The following POLE4 variants were observed in gnomAD, a reference collection of about 807,000 sequenced individuals.
POLE4 encodes the protein DNA polymerase epsilon 4, accessory subunit.
Under a neutral mutation model 15.6 loss-of-function variants are expected in POLE4, and 15 were observed. The ratio of observed to expected loss-of-function variants is 0.96; its 90% CI spans 0.64 to 1.48. The LOEUF (loss-of-function observed/expected upper bound fraction) is 1.48, where lower values mean the gene tolerates loss of function less well. Among genes scored for constraint, POLE4 ranks in the 40% most tolerant of loss-of-function variants. The pLI is 0.00. For synonymous variants in POLE4, 83 were observed against 63.2 expected (o/e 1.31, Z -1.49); for missense variants, 205 against 151.9 (o/e 1.35, Z -1.84).
chr2:74,964,097 C>T (rs904097961), intron 3 of POLE4, among the ~76,000 whole-genome samples: 7 of 152,074 alleles, frequency 4.6e-5, no homozygotes, highest in East Asian at 1.9e-4. Context: ...TTTAGATATC[C>T]GCTTGTCCAT....
chr2:74,962,858 A>T (rs1338281668), intron 3 of POLE4, among the ~76,000 whole-genome samples: 2 of 152,284 alleles, frequency 1.3e-5, no homozygotes, highest in East Asian at 3.9e-4. Context: ...CTGAACACTA[A>T]GGTTTAGTTT....
At chr2:74,961,019 A>G (rs1355355439) in intron 3 of POLE4, 2 of 159,366 alleles carry the variant, frequency 1.3e-5, no homozygotes, top group Non-Finnish European at 2.8e-5. Context: ...AGGCTATACC[A>G]TCTAGCTTTG....
intron 3 of POLE4, chr2:74,960,748 G>A (rs551987597): frequency 2.5e-4 from 94 of 370,342 alleles, no homozygotes; most frequent in Non-Finnish European, 4.5e-4. Context: ...GTCATGTGCT[G>A]CGTAATAACT....
chr2:74,963,318 G>C (rs1671250867), intron 3 of POLE4, among the ~76,000 whole-genome samples: 1 of 152,048 alleles, frequency 6.6e-6, no homozygotes, highest in Admixed American at 6.6e-5. Flanking sequence ...TTGACAAGCT[G>C]TTATTGAATG....
At chr2:74,959,488 C>A in intron 2 of POLE4, 63 bp downstream of exon 2, 3 of 1,079,028 alleles carry the variant, frequency 2.8e-6, no homozygotes, top group Non-Finnish European at 4.2e-6. Context: ...TCCCCTTGTG[C>A]AGGTTGAGAA....
intron 3 of POLE4, among the ~76,000 whole-genome samples, chr2:74,963,591 C>A (rs909847079): frequency 1.3e-5 from 2 of 152,102 alleles, no homozygotes; most frequent in South Asian, 2.1e-4. Context: ...GCAGCCCCCC[C>A]TCCCACGTTC....
intron 3 of POLE4, chr2:74,961,471 T>G (rs971867264): frequency 1.1e-4 from 17 of 152,236 alleles, no homozygotes; most frequent in Admixed American, 1.1e-3. Flanking sequence ...TGACAGACTT[T>G]CTGTAAGTTC....
At chr2:74,960,913 C>G (rs907845552) in intron 3 of POLE4, 1 of 238,342 alleles carries the variant, frequency 4.2e-6, no homozygotes, top group Non-Finnish European at 8.6e-6. Flanking sequence ...CACTTATCCT[C>G]ATGTTACAGT....
chr2:74,964,527 T>TGA (rs1671269958), intron 3 of POLE4, among the ~76,000 whole-genome samples: 1 of 152,150 alleles, frequency 6.6e-6, no homozygotes, highest in African/African-American at 2.4e-5. Context: ...TTGATGTATT[T>TGA]TGTTAAATGT....
intron 3 of POLE4, chr2:74,960,638 A>G (rs1406766182): frequency 2.1e-6 from 1 of 468,434 alleles, no homozygotes; most frequent in African/African-American, 2.0e-5. Flanking sequence ...ATTAAAAAAG[A>G]AAATATTTGA....
chr2:74,959,116 C>T (rs1237095944), intron 1 of POLE4: 2 of 610,904 alleles, frequency 3.3e-6, no homozygotes, highest in East Asian at 5.5e-5. Flanking sequence ...TTTGTATCTC[C>T]AGGGCCTCGT....
At chr2:74,961,452 C>A (rs1671219410) in intron 3 of POLE4, 1 of 152,212 alleles carries the variant, frequency 6.6e-6, no homozygotes, top group African/African-American at 2.4e-5. Flanking sequence ...CTAAGGCAGG[C>A]ACTCCTTGTG....
chr2:74,961,806 T>C (rs1036589446), intron 3 of POLE4, among the ~76,000 whole-genome samples: 1 of 152,234 alleles, frequency 6.6e-6, no homozygotes, highest in African/African-American at 2.4e-5. Context: ...TTGGTAGATC[T>C]GAATGTTAGC....
intron 1 of POLE4, 118 bp downstream of exon 1, chr2:74,959,010 T>C (rs1211585318): frequency 1.1e-6 from 1 of 937,448 alleles, no homozygotes; most frequent in African/African-American, 1.7e-5. Context: ...GATGTGGGCG[T>C]GGACCCGGAA....
At chr2:74,960,488 T>G (rs564747940) in intron 3 of POLE4, 1 of 462,856 alleles carries the variant, frequency 2.2e-6, no homozygotes, top group South Asian at 1.7e-5. Context: ...TCAGAAACAA[T>G]TGTTAACATT....
At chr2:74,965,721 A>G (rs1201492798) in intron 3 of POLE4, among the ~76,000 whole-genome samples, 1 of 152,180 alleles carries the variant, frequency 6.6e-6, no homozygotes, top group Non-Finnish European at 1.5e-5. Flanking sequence ...ATTGTTGGTG[A>G]TTGAGCCTTT....
chr2:74,963,010 A>T (rs117492342), intron 3 of POLE4, among the ~76,000 whole-genome samples: 1 of 152,246 alleles, frequency 6.6e-6, no homozygotes, highest in Admixed American at 6.5e-5. Flanking sequence ...GTTCCTTGCT[A>T]TATGACAGTA....
At chr2:74,968,603 T>TAGAAG in intron 3 of POLE4, among the ~76,000 whole-genome samples, 1 of 151,746 alleles carries the variant, frequency 6.6e-6, no homozygotes, top group Non-Finnish European at 1.5e-5. Context: ...TTTGGTTCTT[T>TAGAAG]AGAAGAGAGC....
chr2:74,963,149 A>G lies in POLE4; in HGVS notation c.340+3003A>G, dbSNP rs2103677610. ...TATATGTGTGTATAAAATATATAAT[A>G]CTGCTGGGACCTAGGCTATATAGAG... On this transcript the variant is annotated intron_variant, in intron 3 of 3. Coordinates refer to ENST00000483063, the MANE Select transcript of POLE4 (RefSeq NM_019896.4). Among the ~76,000 whole-genome samples the G allele has an allele frequency of 1.3e-5, 2 of 152,336 alleles. 1 individual carries two copies. The highest frequency in any genetic ancestry group is 4.1e-4 in the South Asian group (2 of 4,830).
Sources: allele counts gnomAD v4.1 joint callset (sites outside exome capture counted in the v4.1 genomes callset), GRCh38; gene constraint gnomAD v4.1.1; transcripts MANE v1.5; gene names NCBI Gene and HGNC (gene_info 2026-07-23, HGNC 2026-07-21).